Variants in ADAMTS18 observed in about 807,000 individuals in gnomAD.
ADAMTS18 encodes the protein ADAM metallopeptidase with thrombospondin type 1 motif 18.
Under a neutral mutation model 165.9 loss-of-function variants are expected in ADAMTS18, and 157 were observed. The ratio of observed to expected loss-of-function variants is 0.95; its 90% CI spans 0.83 to 1.08. ADAMTS18 has a LOEUF of 1.08. ADAMTS18 is among the 50% of genes least tolerant of loss of function. The pLI is 0.00. For synonymous variants in ADAMTS18, 782 were observed against 578.2 expected (o/e 1.35, Z -5.06); for missense variants, 2,040 against 1,534.0 (o/e 1.33, Z -5.51).
chr16:77,301,611 G>A (rs1025316), intron 16 of ADAMTS18, among the ~76,000 whole-genome samples: 142,193 of 152,278 alleles, frequency 0.93, 66,932 homozygotes, highest in Non-Finnish European at 0.99. Flanking sequence ...CCCTGGCTCT[G>A]TCTCCCTCGG....
intron 15 of ADAMTS18, among the ~76,000 whole-genome samples, 183 bp downstream of exon 15, chr16:77,320,896 A>T (rs907175469): frequency 6.6e-5 from 10 of 152,236 alleles, no homozygotes; most frequent in African/African-American, 2.4e-4. Context: ...TGTTTCTACG[A>T]GGTAATGTAT....
At chr16:77,378,123 T>G (rs1293581003) in intron 3 of ADAMTS18, among the ~76,000 whole-genome samples, 2 of 151,258 alleles carry the variant, frequency 1.3e-5, no homozygotes, top group African/African-American at 4.9e-5. Context: ...AGCTCAGGAG[T>G]TTATCAGCCT....
intron 10 of ADAMTS18, among the ~76,000 whole-genome samples, chr16:77,344,941 C>G (rs940846291): frequency 3.3e-5 from 5 of 152,046 alleles, no homozygotes; most frequent in Admixed American, 1.3e-4. Context: ...GTACCTCCCC[C>G]CTCTTTTTAC....
intron 3 of ADAMTS18, among the ~76,000 whole-genome samples, chr16:77,419,961 G>A (rs1289768255): frequency 1.5e-5 from 2 of 136,810 alleles, no homozygotes; most frequent in Non-Finnish European, 3.0e-5. Context: ...TCACGCCACT[G>A]CACTCCAGCC....
chr16:77,397,326 G>A (rs576463810), intron 3 of ADAMTS18, among the ~76,000 whole-genome samples: 2 of 152,256 alleles, frequency 1.3e-5, no homozygotes, highest in Admixed American at 1.3e-4. Context: ...AGTTTCCCAA[G>A]TACAAATATA....
At position 77,294,978 on chromosome 16, in the gene ADAMTS18, T is replaced by G; in HGVS notation, c.2951A>C (p.Gln984Pro). Residue 984 changes from glutamine to proline, a missense_variant, in exon 19 of 23, where the codon CAA (glutamine) becomes CCA (proline). Transcript: ENST00000282849. ...LCPVSTPTQV[Q>P]ACNSHACPPQ... ...AGGGCAGGCATGGCTGTTGCAGGCTTGGACCTGAGTGGGTGTGCTCACTGG... is the reference window on the plus strand; with the variant it reads ...AGGGCAGGCATGGCTGTTGCAGGCTGGGACCTGAGTGGGTGTGCTCACTGG... The G allele has an allele frequency of 6.2e-7, 1 of 1,614,156 alleles. No individual in the cohort carries two copies. The highest frequency in any genetic ancestry group is 2.2e-5 in the East Asian group (1 of 44,872).
intron 12 of ADAMTS18, among the ~76,000 whole-genome samples, chr16:77,327,159 T>C (rs2056109217): frequency 1.3e-5 from 2 of 152,236 alleles, no homozygotes; most frequent in South Asian, 2.1e-4. Flanking sequence ...AATGAACATA[T>C]ACCTGCATGT....
At chr16:77,353,308 TA>T (rs1291740227) in intron 10 of ADAMTS18, among the ~76,000 whole-genome samples, 1 of 152,106 alleles carries the variant, frequency 6.6e-6, no homozygotes, top group Admixed American at 6.5e-5. Context: ...TTATAGACAA[TA>T]TTAAAAAAGC....
In ADAMTS18 at chr16:77,367,488, T is replaced by G. The variant is rs1208978987; in HGVS notation, c.731A>C (p.His244Pro). The G allele has an allele frequency of 6.2e-7, 1 of 1,614,078 alleles. No individual in the cohort carries two copies. Among genetic ancestry groups the G allele is most frequent in the Non-Finnish European group, 8.5e-7 (1 of 1,180,024 alleles). Residue 244 changes from histidine (H) to proline (P), a missense_variant, in exon 4 of 23, where the codon CAC (histidine) becomes CCC (proline). By Grantham distance (77) the His-to-Pro change is moderately conservative. Coordinates refer to ENST00000282849, the MANE Select transcript of ADAMTS18 (RefSeq NM_199355.4). Reference protein sequence around the residue: ...HASQSRETEYHHRRLQKQHFC... With the variant: ...HASQSRETEYPHRRLQKQHFC... Reference sequence around the variant, plus strand: ...ATGCTGCTTTTGCAACCTTCGATGGTGATACTCTGTCTCTCGACTCTGAGA... The same window carrying G: ...ATGCTGCTTTTGCAACCTTCGATGGGGATACTCTGTCTCTCGACTCTGAGA...
chr16:77,387,785 C>T (rs1355477908), intron 3 of ADAMTS18, among the ~76,000 whole-genome samples: 2 of 152,188 alleles, frequency 1.3e-5, no homozygotes, highest in African/African-American at 2.4e-5. Context: ...CAATGTCTTA[C>T]ATTTGTCCAT....
chr16:77,366,560 CAAAACAAAACA>C (rs921407833), intron 4 of ADAMTS18, among the ~76,000 whole-genome samples: 9 of 151,986 alleles, frequency 5.9e-5, no homozygotes, highest in African/African-American at 2.2e-4. Context: ...CTGTCTCAAA[CAAAACAAAACA>C]AAAACAAAAA....
chr16:77,330,667 A>C (rs987726323), intron 12 of ADAMTS18, among the ~76,000 whole-genome samples: 1 of 152,250 alleles, frequency 6.6e-6, no homozygotes, highest in African/African-American at 2.4e-5. Flanking sequence ...CTTACATGGG[A>C]CAAAGGATGT....
intron 16 of ADAMTS18, among the ~76,000 whole-genome samples, chr16:77,302,062 C>T (rs1040525953): frequency 1.4e-5 from 2 of 146,018 alleles, no homozygotes; most frequent in African/African-American, 5.0e-5. Context: ...GTTCTTGGAA[C>T]CCTGTGTTCA....
chr16:77,305,226 A>C (rs778390449), intron 16 of ADAMTS18, among the ~76,000 whole-genome samples: 3 of 152,204 alleles, frequency 2.0e-5, no homozygotes, highest in Non-Finnish European at 4.4e-5. Context: ...TGAGAAGAAC[A>C]GTGACCAAGA....
At chr16:77,330,428 G>C (rs1335250684) in intron 12 of ADAMTS18, among the ~76,000 whole-genome samples, 1 of 152,164 alleles carries the variant, frequency 6.6e-6, no homozygotes, top group Non-Finnish European at 1.5e-5. Flanking sequence ...ATCTGACTCT[G>C]CCATTACCAG....
At chr16:77,289,568 A>T (rs537917594) in intron 21 of ADAMTS18, 157 bp from the exon 22 acceptor site, 1 of 818,202 alleles carries the variant, frequency 1.2e-6, no homozygotes. Context: ...CACAGCATCT[A>T]TCCTAACAAG....
chr16:77,389,247 G>C lies in ADAMTS18; in HGVS notation c.496-21524C>G, dbSNP rs572577758. ...TTGAGCCTGGAAGGTCAAGTCTTCA[G>C]TGAGCCTTGATGGTGCCACTGCACT... On this transcript the variant is annotated intron_variant, in intron 3 of 22. Coordinates refer to ENST00000282849, the MANE Select transcript of ADAMTS18 (RefSeq NM_199355.4). Among the ~76,000 whole-genome samples, 3 of 152,320 alleles carry C rather than the reference G, an allele frequency of 2.0e-5. No individual in the cohort carries two copies. The South Asian group carries it at 6.2e-4, about 32-fold the overall frequency.
chr16:77,317,024 G>C (rs1001477214), intron 16 of ADAMTS18, among the ~76,000 whole-genome samples: 2 of 152,008 alleles, frequency 1.3e-5, no homozygotes, highest in African/African-American at 4.8e-5. Context: ...TCTTTACCTG[G>C]TTGGGTCTTC....
At chr16:77,286,504 A>C (rs887869067) in intron 22 of ADAMTS18, among the ~76,000 whole-genome samples, 8 of 152,204 alleles carry the variant, frequency 5.3e-5, no homozygotes, top group African/African-American at 1.9e-4. Flanking sequence ...AATACTCAAA[A>C]CAGTCTTTCG....
Sources: gnomAD v4.1 joint callset for allele counts (sites outside exome capture counted in the v4.1 genomes callset) on GRCh38, gnomAD v4.1.1 for gene constraint, MANE v1.5 for transcripts, NCBI Gene and HGNC (gene_info 2026-07-23, HGNC 2026-07-21) for gene names.